The following SSX7 variants were observed in gnomAD, a reference collection of about 807,000 sequenced individuals.
The protein encoded by SSX7 is SSX family member 7, also known as protein SSX7.
SSX7 carries 15 observed loss-of-function variants against 14.7 expected under a neutral mutation model. That is an observed-to-expected ratio of 1.02 (90% CI 0.68 to 1.58). The LOEUF is 1.58. Among genes scored for constraint, SSX7 ranks in the 40% most tolerant of loss-of-function variants. The probability of loss-of-function intolerance (pLI) is 0.00; values close to 1 mark genes in which losing one functional copy is unlikely to be tolerated. For missense variants in SSX7, 178 were observed against 146.8 expected, an observed-to-expected ratio of 1.21 and a Z score of -1.10; for synonymous variants, 46 against 50.6, an observed-to-expected ratio of 0.91 and a Z score of 0.38.
intron 6 of SSX7, among the ~76,000 whole-genome samples, chrX:52,647,251 G>A (rs1347324076): frequency 8.9e-6 from 1 of 112,432 alleles, no homozygotes; most frequent in East Asian, 2.8e-4. Flanking sequence ...ACTTAAAAGT[G>A]CAAGGTGAAG....
chrX:52,652,977 T>C lies in SSX7; in HGVS notation c.77A>G (p.Asp26Gly). The change falls in exon 3 of 8, where the codon GAT (aspartate) becomes GGT (glycine). Residue 26 changes from aspartate to glycine, a missense_variant. Coordinates refer to ENST00000298181, the MANE Select transcript of SSX7 (RefSeq NM_173358.2). ...QIPEKIQKSF[D>G]DIAKYFSKKE... ...CTTAGAGAAGTATTTGGCAATATCA[T>C]CGAAGGACTAGGAAAAGATAAAAAA... 8.3e-7 allele frequency: 1 copy of C among 1,198,725 alleles called. No homozygotes were observed. Among genetic ancestry groups the C allele is most frequent in the Non-Finnish European group, 1.1e-6 (1 of 886,753 alleles).
At chrX:52,647,668 A>G (rs1556766495) in intron 6 of SSX7, among the ~76,000 whole-genome samples, 7 of 112,292 alleles carry the variant, frequency 6.2e-5, no homozygotes, top group Non-Finnish European at 1.3e-4. Flanking sequence ...TCAGAAGATT[A>G]TTAGCATTTT....
At chrX:52,654,344 A>G (rs1233379511) in intron 1 of SSX7, among the ~76,000 whole-genome samples, 2 of 103,342 alleles carry the variant, frequency 1.9e-5, no homozygotes, top group East Asian at 6.2e-4. Context: ...ACTTGATCCC[A>G]GGAGGAAAGA....
chrX:52,645,686 A>G lies in SSX7; in HGVS notation c.467-143T>C, dbSNP rs1267340274. The G allele has an allele frequency of 7.3e-6, 4 of 546,758 alleles. No individual in the cohort carries two copies. In the East Asian group the frequency reaches 1.5e-4, roughly 20 times the overall value. The allele number at this position is 546,758 out of a possible 1,213,427, so 45.1% of individuals were successfully genotyped here. On this transcript the variant is annotated intron_variant, in intron 6 of 7. Coordinates refer to ENST00000298181, the MANE Select transcript of SSX7 (RefSeq NM_173358.2). ...CAGTTTTTCACATTCTCTGGCTTAG[A>G]GAGGCTGAGACCTTAGACCCACACC...
Position 52,644,611 on chromosome X carries a change from T to G in SSX7, c.*64A>C. The stretch of plus-strand genomic sequence containing the variant: ...GACGAGGGGTCCGCAGCCATGCCCA[T>G]GTTCGTGAAAGGTCACCACGTTCTG... On this transcript the variant is annotated 3_prime_UTR_variant, in exon 8 of 8. Coordinates refer to ENST00000298181, the MANE Select transcript of SSX7 (RefSeq NM_173358.2). 8.4e-7 allele frequency: 1 copy of G among 1,195,434 alleles called. No homozygotes were observed. The highest frequency in any genetic ancestry group is 1.1e-6 in the Non-Finnish European group (1 of 893,033).
chrX:52,644,663 C>G lies in SSX7; in HGVS notation c.*12G>C, dbSNP rs1179314226. ...TTCTCATCATGGGCATATGTCGTATCCCCGAGGCTGAGGCAAGAAGAGAGA... is the reference window on the plus strand; with the variant it reads ...TTCTCATCATGGGCATATGTCGTATGCCCGAGGCTGAGGCAAGAAGAGAGA... On this transcript the variant is annotated 3_prime_UTR_variant, in exon 8 of 8. Transcript: ENST00000298181. 4.3e-5 allele frequency: 51 copies of G among 1,194,266 alleles called. No individual in the cohort carries two copies. In the Admixed American group the frequency reaches 7.4e-4, roughly 17 times the overall value.
intron 7 of SSX7, 132 bp downstream of exon 7, chrX:52,645,307 G>T: frequency 9.2e-6 from 10 of 1,085,020 alleles, no homozygotes; most frequent in Non-Finnish European, 1.2e-5. Context: ...CTCATCATTC[G>T]GCCTCAATGC....
intron 1 of SSX7, among the ~76,000 whole-genome samples, chrX:52,654,289 C>T (rs1250898099): frequency 2.8e-5 from 3 of 108,216 alleles, no homozygotes; most frequent in Non-Finnish European, 3.8e-5. Flanking sequence ...TTAACAGAAG[C>T]GGAGTGGTGT....
rs781947158 is a variant in SSX7, at chrX:52,653,410, G to T, written c.63C>A (p.Ile21=). 9 of 1,211,114 alleles carry T rather than the reference G, an allele frequency of 7.4e-6. No individual in the cohort carries two copies. Among genetic ancestry groups the T allele is most frequent in the Non-Finnish European group, 2.2e-6 (2 of 895,297 alleles). ...TCCCTCCAGGTCACCTCACCTTTTG[G>T]ATCTTCTCTGGTATTTGAGCACCAG... is the stretch of plus-strand genomic sequence containing the variant. The part of the protein sequence containing the change: ...PRAGAQIPEK[I]QKSFDDIAKY... Residue 21 remains isoleucine (I), a synonymous_variant, in exon 2 of 8, where the codon ATC becomes ATA. Coordinates refer to ENST00000298181, the MANE Select transcript of SSX7 (RefSeq NM_173358.2).
At chrX:52,651,095 C>A (rs1340194708) in intron 4 of SSX7, among the ~76,000 whole-genome samples, 2 of 111,966 alleles carry the variant, frequency 1.8e-5, no homozygotes, top group Non-Finnish European at 3.8e-5. Context: ...AAGAACCTGT[C>A]TTTTTTTCAC....
intron 6 of SSX7, among the ~76,000 whole-genome samples, chrX:52,648,046 T>C (rs1226560990): frequency 8.9e-6 from 1 of 112,069 alleles, no homozygotes; most frequent in Non-Finnish European, 1.9e-5. Flanking sequence ...TGAGAAAATT[T>C]GGAAGACTAG....
At chrX:52,645,953 A>G (rs1480253197) in intron 6 of SSX7, among the ~76,000 whole-genome samples, 1 of 111,455 alleles carries the variant, frequency 9.0e-6, no homozygotes, top group African/African-American at 3.3e-5. Flanking sequence ...CGTTATTATT[A>G]TATCTGTTAT....
chrX:52,650,969 T>C (rs144719574), intron 4 of SSX7, among the ~76,000 whole-genome samples: 45 of 112,404 alleles, frequency 4.0e-4, no homozygotes, highest in East Asian at 3.3e-3. Context: ...AATAGGTCTA[T>C]TGGAGACAGT....
At chrX:52,650,069 G>C (rs1327816906) in intron 5 of SSX7, among the ~76,000 whole-genome samples, 12 of 111,941 alleles carry the variant, frequency 1.1e-4, no homozygotes, top group Non-Finnish European at 1.9e-4. Flanking sequence ...TTATTATTTG[G>C]AGATAATAAT....
chrX:52,651,799 C>T (rs1239628244), intron 4 of SSX7, among the ~76,000 whole-genome samples: 2 of 111,477 alleles, frequency 1.8e-5, no homozygotes, highest in Non-Finnish European at 3.8e-5. Flanking sequence ...CACTTGAACC[C>T]AGGAGGTGAA....
At chrX:52,653,620 T>A in intron 1 of SSX7, 128 bp from the exon 2 acceptor site, 2 of 820,178 alleles carry the variant, frequency 2.4e-6, no homozygotes, top group Non-Finnish European at 3.6e-6. Context: ...CTGGGGCTTA[T>A]CTGTCCCTGA....
chrX:52,648,566 T>G (rs1925326293), intron 5 of SSX7, among the ~76,000 whole-genome samples, 170 bp from the exon 6 acceptor site: 1 of 112,013 alleles, frequency 8.9e-6, no homozygotes, highest in Non-Finnish European at 1.9e-5. Context: ...GGGAAAGGAA[T>G]GGCCTATGTG....
At position 52,653,467 on chromosome X, in the gene SSX7, G is replaced by A. The variant is rs782532268; in HGVS notation, c.6C>T (p.Asn2=). 68 of 1,209,398 alleles carry A rather than the reference G, an allele frequency of 5.6e-5. No homozygotes were observed. The highest frequency in any genetic ancestry group is 5.5e-4 in the South Asian group (31 of 56,736). M[N]GDDAFARRPR... ...GTCTCCTTGCAAAGGCGTCGTCTCCGTTCATGGCACCAGGAGCAGTCTGAC... is the reference window on the plus strand; with the variant it reads ...GTCTCCTTGCAAAGGCGTCGTCTCCATTCATGGCACCAGGAGCAGTCTGAC... The change falls in exon 2 of 8, where the codon AAC becomes AAT. Residue 2 remains asparagine (N), a synonymous_variant. Coordinates refer to ENST00000298181, the MANE Select transcript of SSX7 (RefSeq NM_173358.2).
intron 3 of SSX7, among the ~76,000 whole-genome samples, 195 bp from the exon 4 acceptor site, chrX:52,652,542 AAAAG>A (rs879993192): frequency 9.1e-6 from 1 of 109,941 alleles, no homozygotes. Context: ...GACTCAAAAA[AAAAG>A]AAAGAAAGAA....
Sources: allele counts gnomAD v4.1 joint callset (sites outside exome capture counted in the v4.1 genomes callset), GRCh38; gene constraint gnomAD v4.1.1; transcripts MANE v1.5; gene names NCBI Gene and HGNC (gene_info 2026-07-23, HGNC 2026-07-21).